The following ATP11B variants were observed in gnomAD, a reference collection of about 807,000 sequenced individuals.
ATP11B encodes the protein phospholipid-transporting ATPase IF.
Under a neutral mutation model 157.8 loss-of-function variants are expected in ATP11B, and 81 were observed. The observed-to-expected ratio is 0.51, with a 90% confidence interval of 0.43 to 0.62. ATP11B has a LOEUF of 0.62. Among genes scored for constraint, ATP11B ranks in the 20% least tolerant of loss-of-function variants. ATP11B has a pLI of 0.00. For missense variants in ATP11B, 1,165 were observed against 1,402.2 expected, an observed-to-expected ratio of 0.83 and a Z score of 2.70; for synonymous variants, 451 against 469.4, an observed-to-expected ratio of 0.96 and a Z score of 0.51.
intron 12 of ATP11B, among the ~76,000 whole-genome samples, chr3:182,861,443 A>G (rs183392096): frequency 6.6e-6 from 1 of 152,354 alleles, no homozygotes; most frequent in Admixed American, 6.5e-5. Flanking sequence ...CAAATGCTTC[A>G]ATAAATACGG....
chr3:182,912,866 A>G (rs1724888081), intron 28 of ATP11B, among the ~76,000 whole-genome samples: 2 of 152,164 alleles, frequency 1.3e-5, no homozygotes, highest in African/African-American at 4.8e-5. Context: ...GTTACGTAGG[A>G]TGTTATATAT....
chr3:182,838,098 T>G (rs898700167), intron 7 of ATP11B, among the ~76,000 whole-genome samples: 1 of 151,926 alleles, frequency 6.6e-6, no homozygotes, highest in Admixed American at 6.6e-5. Context: ...CTTACGTATC[T>G]TTTTTTTGGA....
chr3:182,872,057 C>T (rs937687203), intron 17 of ATP11B, among the ~76,000 whole-genome samples: 6 of 152,148 alleles, frequency 3.9e-5, no homozygotes, highest in Non-Finnish European at 5.9e-5. Context: ...CCTCATGATC[C>T]GCCTGCCTTG....
At chr3:182,883,954 C>CAA (rs1170838231) in intron 21 of ATP11B, among the ~76,000 whole-genome samples, 737 of 63,006 alleles carry the variant, frequency 0.012, 10 homozygotes, top group African/African-American at 0.031. Flanking sequence ...GACTCCGTCT[C>CAA]AAAAAAAAAA....
Position 182,837,105 on chromosome 3 carries a change from A to C in ATP11B, c.587A>C (p.Gln196Pro). The stretch of plus-strand genomic sequence containing the variant: ...GCAGTTCCAGAAACAGCATTATTAC[A>C]AACAGTTGCCAATTTGGACACTCTA... ...HVAVPETALLQTVANLDTLVA... is the reference protein window; with the variant it reads ...HVAVPETALLPTVANLDTLVA... Residue 196 changes from glutamine (Q) to proline (P), a missense_variant, in exon 7 of 30, where the codon CAA becomes CCA. This residue lies in a region of ATP11B where 737 missense variants were observed against 930.5 expected (regional missense o/e 0.79). Coordinates refer to ENST00000323116, the MANE Select transcript of ATP11B (RefSeq NM_014616.3). The C allele has an allele frequency of 6.2e-7, 1 of 1,613,500 alleles. No individual in the cohort carries two copies. The highest frequency in any genetic ancestry group is 8.5e-7 in the Non-Finnish European group (1 of 1,179,610).
At chr3:182,852,857 G>C (rs931885936) in intron 10 of ATP11B, among the ~76,000 whole-genome samples, 1 of 152,306 alleles carries the variant, frequency 6.6e-6, no homozygotes, top group African/African-American at 2.4e-5. Flanking sequence ...TCATCGAAAT[G>C]TAAGACTTAA....
intron 1 of ATP11B, among the ~76,000 whole-genome samples, chr3:182,794,778 T>C (rs1715496704): frequency 6.6e-6 from 1 of 152,206 alleles, no homozygotes. Context: ...AGCCTAACCT[T>C]ATCTGTGTGA....
chr3:182,872,530 G>C lies in ATP11B; in HGVS notation c.2041G>C (p.Glu681Gln). 1 of 1,605,674 alleles carries C rather than the reference G, an allele frequency of 6.2e-7. No homozygotes were observed. Among genetic ancestry groups the C allele is most frequent in the Non-Finnish European group, 8.5e-7 (1 of 1,177,172 alleles). ...GATATTACTTGGAGCCACAGCAGTA[G>C]AAGACAGGTAAGTATCAGATAATTA... The part of the protein sequence containing the change: ...DLILLGATAV[E>Q]DRLQDKVRET... Residue 681 changes from glutamate to glutamine, a missense_variant, in exon 18 of 30, where the codon GAA becomes CAA. Around this residue, in one of 4 missense-constraint regions of ATP11B, gnomAD observed 737 missense variants for 930.5 expected, o/e 0.79. Coordinates refer to ENST00000323116, the MANE Select transcript of ATP11B (RefSeq NM_014616.3).
At chr3:182,831,761 T>C (rs1358638156) in intron 4 of ATP11B, among the ~76,000 whole-genome samples, 1 of 152,198 alleles carries the variant, frequency 6.6e-6, no homozygotes, top group Admixed American at 6.5e-5. Context: ...CATGCCACTC[T>C]TATTTCTTAG....
chr3:182,887,820 G>A, intron 24 of ATP11B, 107 bp downstream of exon 24: 1 of 1,171,894 alleles, frequency 8.5e-7, no homozygotes, highest in Non-Finnish European at 1.2e-6. Context: ...AAGTTCTTTA[G>A]TTGTCGTATG....
At chr3:182,879,260 A>G (rs539775287) in intron 19 of ATP11B, among the ~76,000 whole-genome samples, 1 of 152,352 alleles carries the variant, frequency 6.6e-6, no homozygotes, top group East Asian at 1.9e-4. Context: ...CCTGTTTCAC[A>G]AAAAAGAGAA....
intron 25 of ATP11B, among the ~76,000 whole-genome samples, chr3:182,891,361 G>A (rs1021610291): frequency 3.9e-5 from 6 of 152,094 alleles, no homozygotes; most frequent in Non-Finnish European, 7.4e-5. Flanking sequence ...GTAGGAAAAA[G>A]TATAAAGAAA....
rs10576498 is a variant in ATP11B at position 182,797,707 on chromosome 3, C to CAAAAAAGAAAAAAGAAAAAAG, written c.27+3931_27+3951dup. ...TGGGTGACAGAGGGAGACTCTGTCTCAAAAAAGAAAAAAGAAAAAAGAAAA... is the reference window on the plus strand; with the variant it reads ...TGGGTGACAGAGGGAGACTCTGTCTCAAAAAAGAAAAAAGAAAAAAGAAAAAAGAAAAAAGAAAAAAGAAAA... On this transcript the variant is annotated intron_variant, in intron 1 of 29. Transcript: ENST00000323116. Among the ~76,000 whole-genome samples, 540 of 147,086 alleles carry CAAAAAAGAAAAAAGAAAAAAG rather than the reference C, an allele frequency of 3.7e-3. 4 individuals carry two copies. The highest frequency in any genetic ancestry group is 0.013 in the African/African-American group (505 of 39,864).
intron 23 of ATP11B, 50 bp from the exon 24 acceptor site, chr3:182,887,536 A>G: frequency 6.6e-7 from 1 of 1,517,906 alleles, no homozygotes; most frequent in Non-Finnish European, 9.0e-7. Flanking sequence ...TATGCATAAT[A>G]GTAATGCATA....
In ATP11B at chr3:182,836,387, G is replaced by T; in HGVS notation, c.469G>T (p.Asp157Tyr). Residue 157 changes from aspartate (D) to tyrosine (Y), a missense_variant, in exon 6 of 30, where the codon GAC becomes TAC. Around this residue, in one of 4 missense-constraint regions of ATP11B, gnomAD observed 737 missense variants for 930.5 expected, o/e 0.79. Coordinates refer to ENST00000323116, the MANE Select transcript of ATP11B (RefSeq NM_014616.3). ...AGCCAAAGATGAAATTTTTCCTGCA[G>T]ACTTGGTGCTTCTGTCCTCAGATCG... is the stretch of plus-strand genomic sequence containing the variant. ...RIAKDEIFPA[D>Y]LVLLSSDRLD... is the part of the protein sequence containing the mutation. 1 of 1,613,908 alleles carries T rather than the reference G, an allele frequency of 6.2e-7. No individual in the cohort carries two copies. The highest frequency in any genetic ancestry group is 8.5e-7 in the Non-Finnish European group (1 of 1,179,850).
At position 182,835,965 on chromosome 3, in the gene ATP11B, T is replaced by A. The variant is rs1479703980; in HGVS notation, c.316-70T>A. 4.4e-6 allele frequency: 6 copies of A among 1,352,536 alleles called. No homozygotes were observed. In the Admixed American group the frequency reaches 9.3e-5, roughly 21 times the overall value. The allele number at this position is 1,352,536 out of a possible 1,614,324, so 83.8% of individuals were successfully genotyped here. The stretch of plus-strand genomic sequence containing the variant: ...TGTTCCAGGGAAGTTTTTGAGTTTT[T>A]TTTCTTATTTGATAAAAGTATCTTC... On this transcript the variant is annotated intron_variant, in intron 4 of 29. Coordinates refer to ENST00000323116, the MANE Select transcript of ATP11B (RefSeq NM_014616.3).
At position 182,850,494 on chromosome 3, in the gene ATP11B, A is replaced by C. The variant is rs957649573; in HGVS notation, c.851+1937A>C. 3.3e-5 allele frequency among the ~76,000 whole-genome samples: 5 copies of C among 152,222 alleles called. No individual in the cohort carries two copies. In the East Asian group the frequency reaches 7.7e-4, roughly 24 times the overall value. On this transcript the variant is annotated intron_variant, in intron 10 of 29. Transcript: ENST00000323116. ...TCTCAAAAAACAAAACAAAACAAAAAAAAAGTGTATCAAAACCACAATGAG... is the reference window on the plus strand; with the variant it reads ...TCTCAAAAAACAAAACAAAACAAAACAAAAGTGTATCAAAACCACAATGAG...
At chr3:182,798,190 CACTT>C (rs1255872547) in intron 1 of ATP11B, among the ~76,000 whole-genome samples, 1 of 152,198 alleles carries the variant, frequency 6.6e-6, no homozygotes, top group Non-Finnish European at 1.5e-5. Flanking sequence ...CTAGATATCT[CACTT>C]ACTAGACTAG....
chr3:182,843,411 G>A (rs533584787), intron 8 of ATP11B: 1 of 152,332 alleles, frequency 6.6e-6, no homozygotes, highest in Admixed American at 6.5e-5. Flanking sequence ...ACGATGCCTA[G>A]TAAGTCTAGA....
Sources: gnomAD v4.1 joint callset for allele counts (sites outside exome capture counted in the v4.1 genomes callset) on GRCh38, gnomAD v4.1.1 for gene constraint, gnomAD v4.1.1 regional missense constraint, MANE v1.5 for transcripts, NCBI Gene and HGNC (gene_info 2026-07-23, HGNC 2026-07-21) for gene names.